The following KMT2B variants were observed in gnomAD, a reference collection of about 807,000 sequenced individuals.
The protein encoded by KMT2B is lysine methyltransferase 2B.
Under a neutral mutation model 255.3 loss-of-function variants are expected in KMT2B, and 22 were observed. The observed-to-expected ratio is 0.09, with a 90% CI of 0.06 to 0.12. The LOEUF (loss-of-function observed/expected upper bound fraction) is 0.12. Ranked by LOEUF, KMT2B falls within the 10% of genes least tolerant of loss-of-function variation. The probability of loss-of-function intolerance (pLI) is 1.00; values close to 1 mark genes in which losing one functional copy is unlikely to be tolerated. For missense variants in KMT2B, 3,149 were observed against 3,737.0 expected (o/e 0.84, Z 4.10); for synonymous variants, 1,730 against 1,498.1 (o/e 1.15, Z -3.57).
At position 35,720,335 on chromosome 19, in the gene KMT2B, G is replaced by A. The variant is rs1969133873; in HGVS notation, c.988G>A (p.Gly330Ser). ...SLGLESGQGQ[G>S]QHEESWQDVP... ...GGGACTCGAATCAGGTCAAGGTCAAGGTCAACATGAGGAAAGTTGGCAGGA... is the reference window on the plus strand; with the variant it reads ...GGGACTCGAATCAGGTCAAGGTCAAAGTCAACATGAGGAAAGTTGGCAGGA... The change falls in exon 3 of 37, where the codon GGT (glycine) becomes AGT (serine). Residue 330 changes from glycine (G) to serine (S), a missense_variant. Physicochemically the swap from Gly to Ser is moderately conservative, Grantham distance 56. Around this residue, in one of 18 missense-constraint regions of KMT2B, gnomAD observed 1,188 missense variants for 1,106.4 expected, o/e 1.07. Coordinates refer to ENST00000420124, the MANE Select transcript of KMT2B (RefSeq NM_014727.3). The A allele has an allele frequency of 1.9e-6, 3 of 1,611,768 alleles. No homozygotes were observed. Among genetic ancestry groups the A allele is most frequent in the Non-Finnish European group, 2.5e-6 (3 of 1,178,940 alleles).
chr19:35,719,595 C>G, intron 2 of KMT2B, 54 bp downstream of exon 2: 1 of 1,543,176 alleles, frequency 6.5e-7, no homozygotes, highest in Non-Finnish European at 8.9e-7. Flanking sequence ...TATCCTCGCC[C>G]TTCGTGTCAG....
chr19:35,724,878 G>A (rs1969371919), intron 9 of KMT2B, 111 bp from the exon 10 acceptor site: 1 of 1,054,032 alleles, frequency 9.5e-7, no homozygotes. Context: ...GGAAAGCAAA[G>A]GGGTCTGGAT....
At position 35,732,134 on chromosome 19, in the gene KMT2B, T is replaced by C; in HGVS notation, c.5664T>C (p.Pro1888=). The C allele has an allele frequency of 6.3e-7, 1 of 1,587,692 alleles. No homozygotes were observed. Among genetic ancestry groups the C allele is most frequent in the Non-Finnish European group, 8.6e-7 (1 of 1,166,848 alleles). ...TCTCCTTTGGCCCCCTGCCCTCCCC[T>C]GGTGAGCACCGGGCATGTGGGGGTT... ...GGVSFGPLPS[P]GSPSSLTHHI... is the part of the protein sequence containing the mutation. Residue 1888 remains proline, a splice_region_variant and synonymous_variant, in exon 27 of 37, where the codon CCT becomes CCC. Transcript: ENST00000420124.
At position 35,736,695 on chromosome 19, in the gene KMT2B, G is replaced by T. The variant is rs1433263974; in HGVS notation, c.7165G>T (p.Ala2389Ser). The T allele has an allele frequency of 6.2e-7, 1 of 1,613,710 alleles. No individual in the cohort carries two copies. The change falls in exon 31 of 37, where the codon GCT (alanine) becomes TCT (serine). Residue 2389 changes from alanine to serine, a missense_variant. Ala to Ser is a moderately conservative substitution (Grantham distance 99, BLOSUM62 1). This residue lies in a region of KMT2B where 897 missense variants were observed against 825.3 expected (regional missense o/e 1.09). Coordinates refer to ENST00000420124, the MANE Select transcript of KMT2B (RefSeq NM_014727.3). ...ESQWHHYSGE[A>S]SSSEEEPPSP... Reference sequence around the variant, plus strand: ...AACCTGCTTCTTGGGACCAGGTGAGGCTTCGAGCTCTGAGGAAGAGCCTCC... The same window carrying T: ...AACCTGCTTCTTGGGACCAGGTGAGTCTTCGAGCTCTGAGGAAGAGCCTCC...
rs1253069608 is a variant in KMT2B, at chr19:35,737,885, T to C, written c.7685T>C (p.Met2562Thr). 6.3e-7 allele frequency: 1 copy of C among 1,580,482 alleles called. No individual in the cohort carries two copies. The highest frequency in any genetic ancestry group is 1.8e-5 in the Admixed American group (1 of 54,994). ...CGTGCCACCAGCCTGGAGCTGCCCA[T>C]GGCCATGCGTTTTCGTCACCTTAAG... ...TRRATSLELP[M>T]AMRFRHLKKT... The change falls in exon 35 of 37, where the codon ATG (methionine) becomes ACG (threonine). Residue 2562 changes from methionine to threonine, a missense_variant. Transcript: ENST00000420124. The surrounding 1 kb of genome is among the most constrained non-coding windows in gnomAD (Gnocchi z 5.3).
Position 35,725,871 on chromosome 19 carries a change from C to T in KMT2B, c.3885+53C>T. On this transcript the variant is annotated intron_variant, in intron 13 of 36. Transcript: ENST00000420124. The surrounding 1 kb of genome is among the most constrained non-coding windows in gnomAD (Gnocchi z 4.1). ...TTGTCTCTAATGAATATCACCACCA[C>T]CCCCAAACTTGCTCTAGGCTGGGGC... 1.4e-6 allele frequency: 2 copies of T among 1,434,220 alleles called. No homozygotes were observed. The highest frequency in any genetic ancestry group is 1.9e-6 in the Non-Finnish European group (2 of 1,040,944). 88.8% of individuals were successfully genotyped at this position (1,434,220 alleles called of 1,614,324 possible).
rs374422981 is a variant in KMT2B, at chr19:35,738,395, G to C, written c.7986G>C (p.Arg2662=). 1.2e-6 allele frequency: 2 copies of C among 1,613,990 alleles called. No individual in the cohort carries two copies. Among genetic ancestry groups the C allele is most frequent in the Non-Finnish European group, 1.7e-6 (2 of 1,179,978 alleles). The change falls in exon 37 of 37, where the codon CGG becomes CGC. Residue 2662 remains arginine, a synonymous_variant. Transcript: ENST00000420124. The surrounding 1 kb of genome is among the most constrained non-coding windows in gnomAD (Gnocchi z 8.7). ...CCTGTGAGCCCAACTGCTTCTCTCG[G>C]GTCATCCACGTGGAGGGCCAGAAAC... ...NHSCEPNCFS[R]VIHVEGQKHI...
Position 35,721,784 on chromosome 19 carries a change from A to C in KMT2B, c.2437A>C (p.Lys813Gln). ...CAAGATCGATCAGCAGCAGCAGCAGAAGGTGGCAGCTTCCATGCCGGTGAG... is the reference window on the plus strand; with the variant it reads ...CAAGATCGATCAGCAGCAGCAGCAGCAGGTGGCAGCTTCCATGCCGGTGAG... ...LFKIDQQQQQ[K>Q]VAASMPLSPG... Residue 813 changes from lysine to glutamine, a missense_variant, in exon 3 of 37, where the codon AAG becomes CAG. Lys to Gln is a moderately conservative substitution (Grantham distance 53). This residue lies in a region of KMT2B where 1,188 missense variants were observed against 1,106.4 expected (regional missense o/e 1.07). Transcript: ENST00000420124. 4.4e-6 allele frequency: 7 copies of C among 1,593,570 alleles called. No individual in the cohort carries two copies. Among genetic ancestry groups the C allele is most frequent in the Non-Finnish European group, 4.3e-6 (5 of 1,168,026 alleles).
Position 35,719,486 on chromosome 19 carries a change from T to A in KMT2B, c.381T>A (p.His127Gln). The A allele has an allele frequency of 2.5e-6, 4 of 1,587,736 alleles. No homozygotes were observed. Among genetic ancestry groups the A allele is most frequent in the Non-Finnish European group, 3.4e-6 (4 of 1,167,138 alleles). Residue 127 changes from histidine (H) to glutamine (Q), a missense_variant, in exon 2 of 37, where the codon CAT (histidine) becomes CAA (glutamine). Around this residue, in one of 18 missense-constraint regions of KMT2B, gnomAD observed 1,188 missense variants for 1,106.4 expected, o/e 1.07. Transcript: ENST00000420124. ...TAAATCAGGAGTTTCAGGGTTTTCA[T>A]TCAGATGAAGATGTGGCCCCCAGTT... ...ESDEEEFQGF[H>Q]SDEDVAPSSL...
chr19:35,718,665 G>A lies in KMT2B; in HGVS notation c.363+284G>A, dbSNP rs1371860888. Among the ~76,000 whole-genome samples the A allele has an allele frequency of 6.6e-6, 1 of 152,376 alleles. No homozygotes were observed. Among genetic ancestry groups the A allele is most frequent in the Admixed American group, 6.5e-5 (1 of 15,310 alleles). On this transcript the variant is annotated intron_variant, in intron 1 of 36. Coordinates refer to ENST00000420124, the MANE Select transcript of KMT2B (RefSeq NM_014727.3). The surrounding 1 kb of genome is among the most constrained non-coding windows in gnomAD (Gnocchi z 5.0). ...AGCTGGCAAAGCTAGGGCGGTGGAGGTTTGGGCGAGGAGGCAGTGGGGACT... is the reference window on the plus strand; with the variant it reads ...AGCTGGCAAAGCTAGGGCGGTGGAGATTTGGGCGAGGAGGCAGTGGGGACT...
rs1969380323 is a variant in KMT2B at position 35,725,045 on chromosome 19, G to A, written c.3486G>A (p.Gln1162=). Residue 1162 remains glutamine, a synonymous_variant, in exon 10 of 37, where the codon CAG becomes CAA. Transcript: ENST00000420124. The surrounding 1 kb of genome is among the most constrained non-coding windows in gnomAD (Gnocchi z 4.1). ...ASFPNGWTGK[Q]KSPDGVHRVR... is the part of the protein sequence containing the mutation. ...TTCCCAATGGCTGGACTGGAAAGCAGAAGTCTCCCGATGGTGTGCACCGCG... is the reference window on the plus strand; with the variant it reads ...TTCCCAATGGCTGGACTGGAAAGCAAAAGTCTCCCGATGGTGTGCACCGCG... The A allele has an allele frequency of 6.2e-7, 1 of 1,613,828 alleles. No individual in the cohort carries two copies. Among genetic ancestry groups the A allele is most frequent in the Admixed American group, 1.7e-5 (1 of 60,012 alleles).
In KMT2B at chr19:35,721,175, C is replaced by T. The variant is rs911830364; in HGVS notation, c.1828C>T (p.Arg610Cys). The change falls in exon 3 of 37, where the codon CGC becomes TGC. Residue 610 changes from arginine (R) to cysteine (C), a missense_variant. Arg to Cys is a radical substitution (Grantham distance 180, BLOSUM62 -3). This residue lies in a region of KMT2B where 1,188 missense variants were observed against 1,106.4 expected (regional missense o/e 1.07). Coordinates refer to ENST00000420124, the MANE Select transcript of KMT2B (RefSeq NM_014727.3). ...RRSILREPTFRWTSLTRELPP... is the reference protein window; with the variant it reads ...RRSILREPTFCWTSLTRELPP... ...GTCCATCCTAAGGGAACCCACATTT[C>T]GCTGGACCTCACTGACCCGGGAGCT... 15 of 1,561,690 alleles carry T rather than the reference C, an allele frequency of 9.6e-6. No homozygotes were observed. Among genetic ancestry groups the T allele is most frequent in the South Asian group, 2.4e-5 (2 of 84,750 alleles).
At chr19:35,722,740 C>A (rs781155226) in intron 5 of KMT2B, 22 bp downstream of exon 5, 2 of 1,563,528 alleles carry the variant, frequency 1.3e-6, no homozygotes, top group African/African-American at 2.7e-5. Flanking sequence ...GACTGGACAG[C>A]CATGTCAGGT....
Position 35,737,878 on chromosome 19 carries a change from C to T in KMT2B, c.7678C>T (p.Leu2560=), listed in dbSNP as rs143873680. Reference sequence around the variant, plus strand: ...CACCAGACGTGCCACCAGCCTGGAGCTGCCCATGGCCATGCGTTTTCGTCA... The same window carrying T: ...CACCAGACGTGCCACCAGCCTGGAGTTGCCCATGGCCATGCGTTTTCGTCA... ...RSTRRATSLE[L]PMAMRFRHLK... The change falls in exon 35 of 37, where the codon CTG becomes TTG. Residue 2560 remains leucine, a synonymous_variant. Transcript: ENST00000420124. This position sits in a 1 kb window ranked among gnomAD's most constrained non-coding sequence, Gnocchi z 5.3. The T allele has an allele frequency of 3.6e-5, 56 of 1,576,940 alleles. No individual in the cohort carries two copies. The East Asian group carries it at 1.2e-3, about 33-fold the overall frequency.
chr19:35,728,088 C>G lies in KMT2B; in HGVS notation c.4498-10C>G, dbSNP rs537047827. 6.3e-7 allele frequency: 1 copy of G among 1,591,486 alleles called. No homozygotes were observed. The highest frequency in any genetic ancestry group is 1.1e-5 in the South Asian group (1 of 87,384). ...GCTGGCTCTTCTCATCCTGTTAACCCACTCCCCAGCTGCTAGAATCTGCGT... is the reference window on the plus strand; with the variant it reads ...GCTGGCTCTTCTCATCCTGTTAACCGACTCCCCAGCTGCTAGAATCTGCGT... On this transcript the variant is annotated splice_polypyrimidine_tract_variant and intron_variant, in intron 18 of 36. Transcript: ENST00000420124.
intron 14 of KMT2B, among the ~76,000 whole-genome samples, chr19:35,726,823 C>G (rs1336214597): frequency 6.6e-6 from 1 of 151,874 alleles, no homozygotes; most frequent in African/African-American, 2.4e-5. Context: ...ATCTGTACTA[C>G]AAATACAAAA....
At position 35,727,286 on chromosome 19, in the gene KMT2B, C is replaced by G; in HGVS notation, c.4117+17C>G. On this transcript the variant is annotated intron_variant, in intron 15 of 36. Transcript: ENST00000420124. This position sits in a 1 kb window ranked among gnomAD's most constrained non-coding sequence, Gnocchi z 4.2. The stretch of plus-strand genomic sequence containing the variant: ...GGCTCTCAGGTGAGTCAGTGGAGCA[C>G]CTGGGCTGCAGCCTCAACCCTGTGG... 1 of 1,603,070 alleles carries G rather than the reference C, an allele frequency of 6.2e-7. No homozygotes were observed. Among genetic ancestry groups the G allele is most frequent in the South Asian group, 1.1e-5 (1 of 90,836 alleles).
rs750233315 is a variant in KMT2B at position 35,721,010 on chromosome 19, C to G, written c.1663C>G (p.Pro555Ala). ...TATGGATGAAGACCCCCCCAAACCC[C>G]CAAAGGTGGAGGTCTCACCTGTCCT... ...RFMDEDPPKPPKVEVSPVLRP... is the reference protein window; with the variant it reads ...RFMDEDPPKPAKVEVSPVLRP... The change falls in exon 3 of 37, where the codon CCA (proline) becomes GCA (alanine). Residue 555 changes from proline (P) to alanine (A), a missense_variant. This residue lies in a region of KMT2B where 1,188 missense variants were observed against 1,106.4 expected (regional missense o/e 1.07). Coordinates refer to ENST00000420124, the MANE Select transcript of KMT2B (RefSeq NM_014727.3). 2 of 1,610,482 alleles carry G rather than the reference C, an allele frequency of 1.2e-6. No homozygotes were observed. The highest frequency in any genetic ancestry group is 2.2e-5 in the South Asian group (2 of 90,242).
At position 35,730,106 on chromosome 19, in the gene KMT2B, C is replaced by T; in HGVS notation, c.5057C>T (p.Thr1686Ile). Residue 1686 changes from threonine (T) to isoleucine (I), a missense_variant, in exon 23 of 37, where the codon ACT (threonine) becomes ATT (isoleucine). Physicochemically the swap from Thr to Ile is moderately conservative, Grantham distance 89. Coordinates refer to ENST00000420124, the MANE Select transcript of KMT2B (RefSeq NM_014727.3). Reference protein sequence around the residue: ...DDKKVFCQKHTDLLDGKEIVN... With the variant: ...DDKKVFCQKHIDLLDGKEIVN... ...AAGAAAGTCTTCTGCCAGAAACACA[C>T]TGATCTCCTGGATGGCAAGGTGGGC... is the stretch of plus-strand genomic sequence containing the variant. The T allele has an allele frequency of 1.2e-6, 2 of 1,613,662 alleles. No homozygotes were observed. Among genetic ancestry groups the T allele is most frequent in the Non-Finnish European group, 8.5e-7 (1 of 1,179,750 alleles).
Sources: allele counts gnomAD v4.1 joint callset (sites outside exome capture counted in the v4.1 genomes callset), GRCh38; gene constraint gnomAD v4.1.1; regional missense constraint gnomAD v4.1.1; non-coding constraint Gnocchi (gnomAD v3.1); transcripts MANE v1.5; gene names NCBI Gene and HGNC (gene_info 2026-07-23, HGNC 2026-07-21).